FHIT: variants seen among roughly 807,000 people sequenced by gnomAD.
The protein encoded by FHIT is bis(5'-adenosyl)-triphosphatase.
In FHIT, 19 loss-of-function variants were observed where a neutral mutation model predicts 17.9. That is an observed-to-expected ratio of 1.06 (90% CI 0.74 to 1.56). The LOEUF is 1.56. Ranked by LOEUF, FHIT falls within the 40% of genes most tolerant of loss-of-function variation. The pLI, the probability that FHIT is intolerant of heterozygous loss-of-function variation, is 0.00. For missense variants in FHIT, 248 were observed against 189.2 expected (o/e 1.31, Z -1.82); for synonymous variants, 81 against 69.7 (o/e 1.16, Z -0.81).
chr3:59,803,640 G>A (rs553441554), intron 8 of FHIT, among the ~76,000 whole-genome samples: 1 of 152,310 alleles, frequency 6.6e-6, no homozygotes, highest in East Asian at 1.9e-4. Context: ...ATTCTGCTAA[G>A]TAAAGAAGTT....
At chr3:60,681,569 C>A (rs1360506167) in intron 4 of FHIT, among the ~76,000 whole-genome samples, 1 of 152,052 alleles carries the variant, frequency 6.6e-6, no homozygotes, top group Non-Finnish European at 1.5e-5. Context: ...GCCTCTTGCA[C>A]CAAATAGCCA....
intron 5 of FHIT, among the ~76,000 whole-genome samples, chr3:60,346,946 G>A (rs1371429935): frequency 6.6e-6 from 1 of 152,012 alleles, no homozygotes; most frequent in Non-Finnish European, 1.5e-5. Context: ...TAGATCATAT[G>A]GACACTTAAT....
At chr3:61,000,571 T>C (rs535242499) in intron 3 of FHIT, among the ~76,000 whole-genome samples, 1 of 152,282 alleles carries the variant, frequency 6.6e-6, no homozygotes, top group South Asian at 2.1e-4. Flanking sequence ...TTTTCTCTAC[T>C]CCTTCCCTCT....
In FHIT at chr3:60,065,570, T is replaced by C. The variant is rs747957919; in HGVS notation, c.104-51418A>G. Among the ~76,000 whole-genome samples, 82 of 152,286 alleles carry C rather than the reference T, an allele frequency of 5.4e-4. No individual in the cohort carries two copies. In the Middle Eastern group the frequency reaches 0.014, roughly 25 times the overall value. On this transcript the variant is annotated intron_variant, in intron 5 of 9. Coordinates refer to ENST00000492590, the MANE Select transcript of FHIT (RefSeq NM_002012.4). ...TATAACAGGAAAACTTCTGAAAATA[T>C]AGACTACCCCTAGGCAAGCCCTTTG...
intron 3 of FHIT, among the ~76,000 whole-genome samples, chr3:60,959,096 G>A (rs1322306442): frequency 6.6e-6 from 1 of 152,152 alleles, no homozygotes; most frequent in East Asian, 1.9e-4. Context: ...TGGTCCTCAT[G>A]AATTTTCCAA....
intron 5 of FHIT, among the ~76,000 whole-genome samples, chr3:60,376,530 A>G (rs1700569679): frequency 6.6e-6 from 1 of 152,184 alleles, no homozygotes; most frequent in Non-Finnish European, 1.5e-5. Flanking sequence ...TCAGCAAAAG[A>G]GTCTTCTATT....
At chr3:60,408,685 G>T (rs1036179453) in intron 5 of FHIT, among the ~76,000 whole-genome samples, 1 of 152,144 alleles carries the variant, frequency 6.6e-6, no homozygotes, top group Non-Finnish European at 1.5e-5. Context: ...TGGGCCAAGT[G>T]TATCATTTAC....
At chr3:60,091,449 G>A (rs771240770) in intron 5 of FHIT, among the ~76,000 whole-genome samples, 1 of 152,174 alleles carries the variant, frequency 6.6e-6, no homozygotes, top group African/African-American at 2.4e-5. Context: ...GTGACAAGGA[G>A]TTGAGGAAGG....
At position 60,135,772 on chromosome 3, in the gene FHIT, T is replaced by C. The variant is rs79766092; in HGVS notation, c.104-121620A>G. ...TGAAGCAACTTCTTTGAAATCAAAATGCTGATCTTCTCACATGCTGATTAC... is the reference window on the plus strand; with the variant it reads ...TGAAGCAACTTCTTTGAAATCAAAACGCTGATCTTCTCACATGCTGATTAC... On this transcript the variant is annotated intron_variant, in intron 5 of 9. Coordinates refer to ENST00000492590, the MANE Select transcript of FHIT (RefSeq NM_002012.4). 3.1e-3 allele frequency among the ~76,000 whole-genome samples: 466 copies of C among 152,228 alleles called. 14 individuals are homozygous for C. The East Asian group carries it at 0.061, about 20-fold the overall frequency.
At chr3:61,047,819 C>G (rs1266604203) in intron 2 of FHIT, among the ~76,000 whole-genome samples, 1 of 147,866 alleles carries the variant, frequency 6.8e-6, no homozygotes, top group Non-Finnish European at 1.5e-5. Context: ...AGAAATAATA[C>G]CACACATCTA....
At chr3:60,918,805 C>A (rs1553767649) in intron 3 of FHIT, among the ~76,000 whole-genome samples, 1 of 152,160 alleles carries the variant, frequency 6.6e-6, no homozygotes, top group African/African-American at 2.4e-5. Flanking sequence ...CTAATACATG[C>A]AATGAAAAAG....
chr3:60,335,664 GC>G (rs531032945), intron 5 of FHIT, among the ~76,000 whole-genome samples: 138 of 151,888 alleles, frequency 9.1e-4, no homozygotes, highest in African/African-American at 3.1e-3. Context: ...CAAAGACTCA[GC>G]ACACACACAC....
At chr3:60,008,401 T>C (rs1700004321) in intron 7 of FHIT, among the ~76,000 whole-genome samples, 1 of 152,158 alleles carries the variant, frequency 6.6e-6, no homozygotes, top group South Asian at 2.1e-4. Context: ...TATTTCCCTT[T>C]CCTGACTACA....
intron 8 of FHIT, among the ~76,000 whole-genome samples, chr3:59,841,348 C>T (rs1176254812): frequency 6.6e-6 from 1 of 152,168 alleles, no homozygotes; most frequent in Admixed American, 6.5e-5. Context: ...TAGTGATTAG[C>T]AAGCACTGTT....
intron 4 of FHIT, among the ~76,000 whole-genome samples, chr3:60,706,311 A>G (rs1346909297): frequency 1.3e-5 from 2 of 152,178 alleles, no homozygotes; most frequent in Non-Finnish European, 2.9e-5. Flanking sequence ...CCTAGATGAC[A>G]GGTTGATGGG....
At chr3:59,982,843 C>T (rs1229287797) in intron 7 of FHIT, among the ~76,000 whole-genome samples, 1 of 152,134 alleles carries the variant, frequency 6.6e-6, no homozygotes, top group Admixed American at 6.5e-5. Flanking sequence ...TCCGTGGCTT[C>T]TACACATTAC....
intron 4 of FHIT, among the ~76,000 whole-genome samples, chr3:60,670,038 T>G (rs1168452560): frequency 1.3e-5 from 2 of 152,238 alleles, no homozygotes; most frequent in African/African-American, 4.8e-5. Flanking sequence ...GAAGTTTTAA[T>G]TTTTAATGGA....
intron 4 of FHIT, among the ~76,000 whole-genome samples, chr3:60,552,780 A>G (rs1467522274): frequency 6.6e-6 from 1 of 152,216 alleles, no homozygotes; most frequent in Admixed American, 6.5e-5. Context: ...TCATCCAGTG[A>G]GAGAAGGAAA....
At chr3:60,243,524 A>G (rs185824079) in intron 5 of FHIT, among the ~76,000 whole-genome samples, 1 of 152,048 alleles carries the variant, frequency 6.6e-6, no homozygotes, top group Non-Finnish European at 1.5e-5. Context: ...AGCTCAACAA[A>G]TGGCTACATC....
Sources: allele counts gnomAD v4.1 joint callset (sites outside exome capture counted in the v4.1 genomes callset), GRCh38; gene constraint gnomAD v4.1.1; transcripts MANE v1.5; gene names NCBI Gene and HGNC (gene_info 2026-07-23, HGNC 2026-07-21).